PDXDC1: variants seen among roughly 807,000 people sequenced by gnomAD.
PDXDC1 encodes the protein pyridoxal dependent decarboxylase domain containing 1.
In PDXDC1, 42 loss-of-function variants were observed where a neutral mutation model predicts 100.1. The observed-to-expected ratio is 0.42, with a 90% CI of 0.33 to 0.54. The LOEUF (loss-of-function observed/expected upper bound fraction) is 0.54, where lower values mean the gene tolerates loss of function less well. Ranked by LOEUF, PDXDC1 falls within the 20% of genes least tolerant of loss-of-function variation. The pLI is 0.10. For missense variants in PDXDC1, 636 were observed against 979.2 expected, an observed-to-expected ratio of 0.65 and a Z score of 4.68; for synonymous variants, 260 against 371.7, an observed-to-expected ratio of 0.70 and a Z score of 3.46.
intron 16 of PDXDC1, chr16:15,133,356 G>A (rs1407945428): frequency 1.9e-6 from 2 of 1,077,468 alleles, no homozygotes; most frequent in East Asian, 2.5e-5. Context: ...CTAGCGGTGA[G>A]CCCGTGCAGC....
Position 15,083,826 on chromosome 16 carries a change from C to T in PDXDC1, c.1399+53770C>T, listed in dbSNP as rs1436419812. On this transcript the variant is annotated intron_variant, in intron 16 of 16. Coordinates refer to the PDXDC1 transcript ENST00000535621. Reference sequence around the variant, plus strand: ...CCGCCTCCCAGGTTCAAGCGATTCTCCTGCCTCAACCTCCCAAACAGCTGG... The same window carrying T: ...CCGCCTCCCAGGTTCAAGCGATTCTTCTGCCTCAACCTCCCAAACAGCTGG... 3 of 393,374 alleles carry T rather than the reference C, an allele frequency of 7.6e-6. No individual in the cohort carries two copies. The East Asian group carries it at 1.9e-4, about 24-fold the overall frequency. 24.4% of individuals were successfully genotyped at this position (393,374 alleles called of 1,614,324 possible). A position where few individuals can be genotyped will look rare whatever the true frequency, so the allele number is the denominator to read the frequency against.
intron 16 of PDXDC1, chr16:15,129,743 G>A (rs2047950009): frequency 1.6e-6 from 1 of 619,904 alleles, no homozygotes; most frequent in Admixed American, 2.6e-5. Flanking sequence ...TCATTCCCAG[G>A]ATGAACACAC....
chr16:15,095,169 C>T (rs1174330886), intron 16 of PDXDC1, among the ~76,000 whole-genome samples: 1 of 152,016 alleles, frequency 6.6e-6, no homozygotes, highest in Non-Finnish European at 1.5e-5. Context: ...GAACAGGAGT[C>T]AGCCAGACCA....
intron 16 of PDXDC1, among the ~76,000 whole-genome samples, chr16:15,072,352 G>A (rs1255316558): frequency 6.6e-6 from 1 of 152,082 alleles, no homozygotes; most frequent in South Asian, 2.1e-4. Flanking sequence ...CCCTTGGAAA[G>A]AATAAAGGAA....
chr16:15,042,296 C>T (rs921293814), downstream of PDXDC1, among the ~76,000 whole-genome samples: 1 of 151,626 alleles, frequency 6.6e-6, no homozygotes, highest in Non-Finnish European at 1.5e-5. Context: ...AGCGATTTTC[C>T]TGCCTCAGCC....
intron 16 of PDXDC1, chr16:15,135,750 G>T: frequency 5.0e-6 from 8 of 1,596,512 alleles, no homozygotes; most frequent in East Asian, 2.2e-5. Flanking sequence ...ACCAGGTCCT[G>T]TGTGTCTGAC....
downstream of PDXDC1, among the ~76,000 whole-genome samples, chr16:15,143,238 A>G (rs952017277): frequency 5.3e-5 from 8 of 152,056 alleles, no homozygotes; most frequent in African/African-American, 1.7e-4. Flanking sequence ...CTGGGTGGAG[A>G]AGGAAGTCCC....
At chr16:15,035,340 T>C in intron 21 of PDXDC1, 109 bp from the exon 22 acceptor site, 1 of 566,046 alleles carries the variant, frequency 1.8e-6, no homozygotes, top group Non-Finnish European at 3.1e-6. Context: ...TGTGGCAGGC[T>C]CAGTGGCTGG....
chr16:15,066,833 G>C (rs1007636731), intron 16 of PDXDC1, among the ~76,000 whole-genome samples: 2 of 151,600 alleles, frequency 1.3e-5, no homozygotes, highest in South Asian at 2.1e-4. Flanking sequence ...TCTGTACCTA[G>C]GCAGAGACTT....
chr16:15,128,018 AG>A (rs745542291), intron 16 of PDXDC1: 1 of 1,600,844 alleles, frequency 6.2e-7, no homozygotes. Flanking sequence ...CTTCTCCACC[AG>A]GCCCCCGTTG....
At chr16:15,130,297 T>C in intron 16 of PDXDC1, 8 of 1,534,766 alleles carry the variant, frequency 5.2e-6, no homozygotes, top group Non-Finnish European at 7.0e-6. Context: ...CGGGGCGAGG[T>C]CTCCTCCAGG....
chr16:15,150,265 C>T, the PDXDC1 span, among the ~76,000 whole-genome samples: 2 of 151,872 alleles, frequency 1.3e-5, no homozygotes, highest in African/African-American at 4.8e-5. Flanking sequence ...GGCGTGAACC[C>T]AGGCGGCGGA....
chr16:15,039,339 G>C (rs1273927052), downstream of PDXDC1, among the ~76,000 whole-genome samples: 1 of 152,154 alleles, frequency 6.6e-6, no homozygotes, highest in East Asian at 1.9e-4. Context: ...GAAAACATCA[G>C]CATTTCATAA....
chr16:15,056,038 C>T (rs2044504922), intron 16 of PDXDC1: 1 of 671,220 alleles, frequency 1.5e-6, no homozygotes, highest in Non-Finnish European at 1.9e-6. Flanking sequence ...CCCGGGCCGC[C>T]CGCCGCCCCC....
chr16:15,064,848 G>A (rs2044889611), intron 16 of PDXDC1, among the ~76,000 whole-genome samples: 1 of 152,198 alleles, frequency 6.6e-6, no homozygotes, highest in South Asian at 2.1e-4. Flanking sequence ...CCAATTTTGG[G>A]AAAAGCAAAC....
intron 13 of PDXDC1, 124 bp downstream of exon 13, chr16:15,022,878 A>C (rs1196233765): frequency 2.5e-6 from 2 of 813,408 alleles, no homozygotes; most frequent in East Asian, 6.0e-5. Context: ...CAGCTCCAGT[A>C]AAAAAACAAA....
chr16:15,111,123 G>GTC (rs1306400264), intron 16 of PDXDC1, among the ~76,000 whole-genome samples: 4 of 70,950 alleles, frequency 5.6e-5, no homozygotes, highest in African/African-American at 7.4e-5. Context: ...ATGAGACTCT[G>GTC]TCACACACAC....
chr16:15,148,514 C>T, the PDXDC1 span, among the ~76,000 whole-genome samples: 1 of 150,254 alleles, frequency 6.7e-6, no homozygotes, highest in African/African-American at 2.5e-5. Context: ...TCTTGAATAG[C>T]TGGGACCACA....
intron 16 of PDXDC1, chr16:15,086,357 G>A: frequency 1.2e-6 from 2 of 1,613,434 alleles, no homozygotes; most frequent in Non-Finnish European, 1.7e-6. Flanking sequence ...AATAAATGGT[G>A]AACTTACTAA....
Sources: allele counts gnomAD v4.1 joint callset (sites outside exome capture counted in the v4.1 genomes callset), GRCh38; gene constraint gnomAD v4.1.1; transcripts MANE v1.5; gene names NCBI Gene and HGNC (gene_info 2026-07-23, HGNC 2026-07-21).